PPP1R9A: variants seen among roughly 807,000 people sequenced by gnomAD.
PPP1R9A encodes protein phosphatase 1 regulatory subunit 9A, also known as neurabin-1.
Under a neutral mutation model 141.9 loss-of-function variants are expected in PPP1R9A, and 59 were observed. The observed-to-expected ratio is 0.42, with a 90% CI of 0.34 to 0.52. PPP1R9A has a LOEUF of 0.52. Ranked by LOEUF, PPP1R9A falls within the 20% of genes least tolerant of loss-of-function variation. PPP1R9A has a pLI of 0.10. For synonymous variants in PPP1R9A, 500 were observed against 569.7 expected (o/e 0.88, Z 1.74); for missense variants, 1,444 against 1,611.9 (o/e 0.90, Z 1.78).
intron 2 of PPP1R9A, chr7:95,036,662 T>TG (rs754167521): frequency 1.3e-5 from 2 of 152,248 alleles, no homozygotes; most frequent in Non-Finnish European, 2.9e-5. Context: ...TCTTTATCTT[T>TG]GTTTGCAGTT....
intron 2 of PPP1R9A, among the ~76,000 whole-genome samples, chr7:94,938,134 G>C (rs567442232): frequency 2.8e-4 from 43 of 152,244 alleles, no homozygotes; most frequent in African/African-American, 9.6e-4. Flanking sequence ...GGAGGTGAGT[G>C]GTGGGTGAGT....
At chr7:95,091,727 T>C (rs183856348) in intron 2 of PPP1R9A, among the ~76,000 whole-genome samples, 39 of 152,014 alleles carry the variant, frequency 2.6e-4, no homozygotes, top group African/African-American at 8.7e-4. Flanking sequence ...TCTACCCCCT[T>C]CAATTTATGG....
chr7:94,925,476 C>G (rs530302818), intron 2 of PPP1R9A, among the ~76,000 whole-genome samples: 2 of 152,126 alleles, frequency 1.3e-5, no homozygotes, highest in East Asian at 3.9e-4. Flanking sequence ...TTTTTCCCCC[C>G]ACATGTCTTA....
chr7:95,067,415 G>T (rs1461361916), intron 2 of PPP1R9A, among the ~76,000 whole-genome samples: 1 of 152,162 alleles, frequency 6.6e-6, no homozygotes, highest in East Asian at 1.9e-4. Flanking sequence ...ATTATCTGAG[G>T]CGATACACTG....
At chr7:95,203,362 G>A (rs1290652891) in intron 6 of PPP1R9A, among the ~76,000 whole-genome samples, 1 of 152,044 alleles carries the variant, frequency 6.6e-6, no homozygotes. Context: ...CATTAAGTTT[G>A]ACTCATACTG....
chr7:95,078,530 G>C (rs1815235920), intron 2 of PPP1R9A, among the ~76,000 whole-genome samples: 1 of 152,020 alleles, frequency 6.6e-6, no homozygotes, highest in African/African-American at 2.4e-5. Context: ...GGTATTTCTA[G>C]TTCTAGATCC....
chr7:95,154,103 T>G (rs932564236), intron 4 of PPP1R9A, among the ~76,000 whole-genome samples: 8 of 151,998 alleles, frequency 5.3e-5, no homozygotes, highest in African/African-American at 1.9e-4. Context: ...CTTCTACTCA[T>G]TTTTAGTTGT....
intron 4 of PPP1R9A, among the ~76,000 whole-genome samples, chr7:95,148,822 A>G (rs910516194): frequency 6.6e-6 from 1 of 152,178 alleles, no homozygotes; most frequent in Non-Finnish European, 1.5e-5. Flanking sequence ...CCAGAATATA[A>G]AAGCAAAGAT....
intron 2 of PPP1R9A, among the ~76,000 whole-genome samples, chr7:95,006,516 C>G (rs1803622811): frequency 6.6e-6 from 1 of 151,874 alleles, no homozygotes; most frequent in African/African-American, 2.4e-5. Context: ...CGGCCAAGAA[C>G]ATTTTTAATG....
intron 4 of PPP1R9A, among the ~76,000 whole-genome samples, chr7:95,149,204 G>A (rs894893201): frequency 1.3e-5 from 2 of 151,906 alleles, no homozygotes; most frequent in African/African-American, 4.8e-5. Context: ...ATCCATTTAT[G>A]AGAAAAACTC....
Position 95,082,980 on chromosome 7 carries a change from C to T in PPP1R9A, c.1396-28279C>T, listed in dbSNP as rs189694801. Among the ~76,000 whole-genome samples, 542 of 151,700 alleles carry T rather than the reference C, an allele frequency of 3.6e-3. 13 individuals carry two copies. The highest frequency in any genetic ancestry group is 0.012 in the African/African-American group (514 of 41,196). Reference sequence around the variant, plus strand: ...CCGTGTTAGCCAGGATGGTCTCAATCTCCTGACCTCATGATCCGCCCACCT... The same window carrying T: ...CCGTGTTAGCCAGGATGGTCTCAATTTCCTGACCTCATGATCCGCCCACCT... On this transcript the variant is annotated intron_variant, in intron 2 of 19. Coordinates refer to ENST00000433360, the MANE Select transcript of PPP1R9A (RefSeq NM_001166160.2).
chr7:94,973,826 T>C (rs1799136215), intron 2 of PPP1R9A, among the ~76,000 whole-genome samples: 1 of 151,870 alleles, frequency 6.6e-6, no homozygotes, highest in Admixed American at 6.6e-5. Context: ...CAAGTGATCT[T>C]TCCATCTCAG....
At chr7:95,067,448 C>T (rs941906007) in intron 2 of PPP1R9A, among the ~76,000 whole-genome samples, 2 of 152,146 alleles carry the variant, frequency 1.3e-5, no homozygotes, top group Admixed American at 6.6e-5. Context: ...TTTTATAGTC[C>T]TTTTGGAATG....
At chr7:95,004,309 AT>A (rs1803317843) in intron 2 of PPP1R9A, among the ~76,000 whole-genome samples, 1 of 152,014 alleles carries the variant, frequency 6.6e-6, no homozygotes, top group Non-Finnish European at 1.5e-5. Flanking sequence ...TTGTAAAGAA[AT>A]TTATTTTAAA....
chr7:95,123,963 CA>C (rs1288769075), intron 4 of PPP1R9A, among the ~76,000 whole-genome samples: 1 of 151,990 alleles, frequency 6.6e-6, no homozygotes, highest in Non-Finnish European at 1.5e-5. Context: ...AACATAAGTA[CA>C]GAATCAAAAT....
intron 8 of PPP1R9A, 83 bp downstream of exon 8, chr7:95,226,199 A>G: frequency 7.4e-7 from 1 of 1,354,354 alleles, no homozygotes; most frequent in Non-Finnish European, 9.9e-7. Context: ...TATATTAAGA[A>G]TAATCAGTTT....
At chr7:95,259,880 A>C (rs1800162573) in intron 12 of PPP1R9A, among the ~76,000 whole-genome samples, 1 of 152,166 alleles carries the variant, frequency 6.6e-6, no homozygotes, top group Non-Finnish European at 1.5e-5. Context: ...AGGGAATTCT[A>C]GAGTAGATTC....
intron 2 of PPP1R9A, among the ~76,000 whole-genome samples, chr7:95,020,399 A>G (rs960889174): frequency 6.6e-5 from 10 of 152,190 alleles, no homozygotes; most frequent in African/African-American, 2.4e-4. Flanking sequence ...ATTATTTTTT[A>G]GAATATTCAA....
chr7:95,045,313 T>A (rs781591892), intron 2 of PPP1R9A, among the ~76,000 whole-genome samples: 1 of 152,186 alleles, frequency 6.6e-6, no homozygotes, highest in Non-Finnish European at 1.5e-5. Context: ...AAACGGGCAC[T>A]TTGGAGGTCA....
Sources: allele counts gnomAD v4.1 joint callset (sites outside exome capture counted in the v4.1 genomes callset), GRCh38; gene constraint gnomAD v4.1.1; transcripts MANE v1.5; gene names NCBI Gene and HGNC (gene_info 2026-07-23, HGNC 2026-07-21).